Variants in MASP1 observed in about 807,000 individuals in gnomAD.
MASP1 encodes mannan-binding lectin serine protease 1.
MASP1 carries 59 observed loss-of-function variants against 77.1 expected under a neutral mutation model. That is an observed-to-expected ratio of 0.77 (90% confidence interval 0.62 to 0.95). The LOEUF (loss-of-function observed/expected upper bound fraction) is 0.95, where lower values mean the gene tolerates loss of function less well. Ranked by LOEUF, MASP1 falls within the 40% of genes least tolerant of loss-of-function variation. MASP1 has a pLI of 0.00. For synonymous variants in MASP1, 362 were observed against 354.5 expected (o/e 1.02, Z -0.24); for missense variants, 885 against 912.9 (o/e 0.97, Z 0.39).
intron 11 of MASP1, among the ~76,000 whole-genome samples, chr3:187,228,779 G>A (rs1004951405): frequency 4.6e-5 from 7 of 152,174 alleles, no homozygotes; most frequent in Non-Finnish European, 1.0e-4. Flanking sequence ...CTCTCTGGGG[G>A]ACTTCTTTGA....
chr3:187,267,660 A>T (rs922197296), intron 2 of MASP1, among the ~76,000 whole-genome samples: 2 of 152,210 alleles, frequency 1.3e-5, no homozygotes, highest in Non-Finnish European at 1.5e-5. Context: ...GCCTATCATC[A>T]GATACTTTCA....
intron 2 of MASP1, among the ~76,000 whole-genome samples, chr3:187,274,285 G>A (rs541802779): frequency 3.7e-4 from 56 of 152,198 alleles, no homozygotes; most frequent in African/African-American, 1.2e-3. Context: ...GACAGGGCAC[G>A]TTTACCTTCT....
At chr3:187,233,541 A>G (rs115144250), downstream of MASP1, among the ~76,000 whole-genome samples, 1,062 of 152,292 alleles carry the variant, frequency 7.0e-3, 10 homozygotes, top group African/African-American at 0.024. Context: ...TTTTGCCTAT[A>G]TAAGACCTAC....
intron 10 of MASP1, among the ~76,000 whole-genome samples, chr3:187,240,451 C>T (rs1713538140): frequency 6.6e-6 from 1 of 152,066 alleles, no homozygotes; most frequent in African/African-American, 2.4e-5. Flanking sequence ...GTGATTGTAT[C>T]ATTAAACTAC....
chr3:187,218,603 A>ATG (rs1176200453), exon 16 of MASP1: 1 of 152,316 alleles, frequency 6.6e-6, no homozygotes, highest in Non-Finnish European at 1.5e-5. Flanking sequence ...ATATATATAT[A>ATG]TGTTCTCATT....
At chr3:187,251,507 A>G in intron 7 of MASP1, 127 bp downstream of exon 7, 1 of 788,918 alleles carries the variant, frequency 1.3e-6, no homozygotes, top group Non-Finnish European at 2.2e-6. Flanking sequence ...TGAGAAGTTG[A>G]TGGGCAGCTA....
chr3:187,264,171 G>C (rs921307168), intron 2 of MASP1, among the ~76,000 whole-genome samples: 2 of 152,212 alleles, frequency 1.3e-5, no homozygotes, highest in Admixed American at 6.5e-5. Flanking sequence ...TTTAAAATAA[G>C]TGGGAGTTTC....
At chr3:187,266,594 G>C (rs1315363754) in intron 2 of MASP1, among the ~76,000 whole-genome samples, 1 of 152,062 alleles carries the variant, frequency 6.6e-6, no homozygotes, top group Non-Finnish European at 1.5e-5. Context: ...GTAGGGGGTG[G>C]GTAGAGTATG....
intron 10 of MASP1, among the ~76,000 whole-genome samples, chr3:187,239,698 G>A (rs1054356454): frequency 1.3e-5 from 2 of 152,176 alleles, no homozygotes; most frequent in Non-Finnish European, 2.9e-5. Flanking sequence ...GTCCTTGGTT[G>A]TACTTCTGGG....
At chr3:187,217,345 G>C (rs573900953) in exon 16 of MASP1, 1 of 152,294 alleles carries the variant, frequency 6.6e-6, no homozygotes, top group South Asian at 2.1e-4. Flanking sequence ...AACAGCTTCT[G>C]TTGTTAATAA....
intron 2 of MASP1, among the ~76,000 whole-genome samples, chr3:187,283,015 G>T (rs1717559819): frequency 6.6e-6 from 1 of 152,198 alleles, no homozygotes; most frequent in Admixed American, 6.5e-5. Flanking sequence ...AGCAGAGAGG[G>T]TGCTGTAAAA....
intron 3 of MASP1, among the ~76,000 whole-genome samples, chr3:187,262,087 TTGAC>T (rs1715625874): frequency 6.6e-6 from 1 of 152,188 alleles, no homozygotes; most frequent in South Asian, 2.1e-4. Context: ...GGAGCAGAGA[TTGAC>T]TGGCAGGGAC....
At chr3:187,263,583 G>A (rs1341617751) in intron 2 of MASP1, among the ~76,000 whole-genome samples, 1 of 152,166 alleles carries the variant, frequency 6.6e-6, no homozygotes, top group African/African-American at 2.4e-5. Flanking sequence ...TTTTAAGCAG[G>A]AAAGTCATGT....
rs375944213 is a variant in MASP1 at position 187,264,403 on chromosome 3, TCTGA to T, written c.238-1687_238-1684del. 2.6e-4 allele frequency among the ~76,000 whole-genome samples: 40 copies of T among 152,242 alleles called. No individual in the cohort carries two copies. In the East Asian group the frequency reaches 7.1e-3, roughly 27 times the overall value. The stretch of plus-strand genomic sequence containing the variant: ...ACCTCCCAGCTGCTGTGTTATTTTA[TCTGA>T]CTCAGTTTTCCAGATAGCCAAAGCT... On this transcript the variant is annotated intron_variant, in intron 2 of 10. Coordinates refer to ENST00000296280, the MANE Select transcript of MASP1 (RefSeq NM_139125.4).
intron 13 of MASP1, among the ~76,000 whole-genome samples, chr3:187,224,546 C>T (rs1018662177): frequency 6.6e-6 from 1 of 151,768 alleles, no homozygotes; most frequent in Admixed American, 6.6e-5. Flanking sequence ...CGGGGTTTCA[C>T]CGTTTTAGCC....
chr3:187,236,135 G>T lies in MASP1; in HGVS notation c.1736C>A (p.Pro579His). 6.2e-7 allele frequency: 1 copy of T among 1,613,982 alleles called. No individual in the cohort carries two copies. The highest frequency in any genetic ancestry group is 8.5e-7 in the Non-Finnish European group (1 of 1,180,030). ...CAGCATGTGGGGGGCCGGGCCTTCA[G>T]GCTCAAGCCTTGGCAGGCAGACAGG... Reference protein sequence around the residue: ...VMPVCLPRLEPEGPAPHMLGL... With the variant: ...VMPVCLPRLEHEGPAPHMLGL... The change falls in exon 11 of 11, where the codon CCT becomes CAT. Residue 579 changes from proline (P) to histidine (H), a missense_variant. Transcript: ENST00000296280.
At chr3:187,238,638 C>G (rs1267927788) in intron 10 of MASP1, among the ~76,000 whole-genome samples, 1 of 152,146 alleles carries the variant, frequency 6.6e-6, no homozygotes, top group Non-Finnish European at 1.5e-5. Flanking sequence ...TTCAAGGTTC[C>G]TGAGGATGGC....
At chr3:187,222,268 A>T (rs962749736) in intron 14 of MASP1, among the ~76,000 whole-genome samples, 7 of 152,182 alleles carry the variant, frequency 4.6e-5, no homozygotes, top group Non-Finnish European at 8.8e-5. Flanking sequence ...TATCACATCC[A>T]TAACTACTTT....
chr3:187,254,545 T>G (rs1714907068), intron 5 of MASP1, among the ~76,000 whole-genome samples: 1 of 152,092 alleles, frequency 6.6e-6, no homozygotes, highest in Non-Finnish European at 1.5e-5. Context: ...CGCCACTTTG[T>G]GTTGAGAGAT....
Sources: allele counts gnomAD v4.1 joint callset (sites outside exome capture counted in the v4.1 genomes callset), GRCh38; gene constraint gnomAD v4.1.1; transcripts MANE v1.5; gene names NCBI Gene and HGNC (gene_info 2026-07-23, HGNC 2026-07-21).